The following GRIN2B variants were observed in gnomAD, a reference collection of about 807,000 sequenced individuals.
GRIN2B encodes glutamate receptor ionotropic, NMDA 2B.
In GRIN2B, 5 loss-of-function variants were observed where a neutral mutation model predicts 114.5. The ratio of observed to expected loss-of-function variants is 0.04; its 90% CI spans 0.02 to 0.09. GRIN2B has a LOEUF of 0.09. Ranked by LOEUF, GRIN2B falls within the 10% of genes least tolerant of loss-of-function variation. The pLI, the probability that GRIN2B is intolerant of heterozygous loss-of-function variation, is 1.00. For missense variants in GRIN2B, 1,108 were observed against 1,943.5 expected (o/e 0.57, Z 8.08); for synonymous variants, 787 against 745.1 (o/e 1.06, Z -0.92).
intron 3 of GRIN2B, among the ~76,000 whole-genome samples, chr12:13,767,302 T>C (rs564070845): frequency 1.3e-5 from 2 of 151,942 alleles, no homozygotes; most frequent in African/African-American, 4.8e-5. Context: ...CAAATTTTCC[T>C]TCTCCAGTTC....
At position 13,547,981 on chromosome 12, in the gene GRIN2B, A is replaced by ATATATATATATATATTTTTTTTTTTTTTT; in HGVS notation, c.*14801_*14802insAAAAAAAAAAAAAAATATATATATATATA. 11 of 68,558 alleles carry ATATATATATATATATTTTTTTTTTTTTTT rather than the reference A, an allele frequency of 1.6e-4. No individual in the cohort carries two copies. Among genetic ancestry groups the ATATATATATATATATTTTTTTTTTTTTTT allele is most frequent in the East Asian group, 5.7e-4 (1 of 1,740 alleles). The allele number at this position is 68,558 out of a possible 1,614,324, so 4.2% of individuals were successfully genotyped here. ...TGTGTATATATATATATATATATAT[A>ATATATATATATATATTTTTTTTTTTTTTT]TTTTTTTTTTTTTTCTGAAAGCTAC... On this transcript the variant is annotated 3_prime_UTR_variant, in exon 14 of 14. Transcript: ENST00000609686.
chr12:13,660,503 C>T (rs762470658), intron 5 of GRIN2B, among the ~76,000 whole-genome samples: 1 of 152,138 alleles, frequency 6.6e-6, no homozygotes, highest in Non-Finnish European at 1.5e-5. Flanking sequence ...TGGATACAGG[C>T]AGCAAAAGCA....
chr12:13,742,486 A>G (rs1188458121), intron 4 of GRIN2B, among the ~76,000 whole-genome samples: 3 of 152,168 alleles, frequency 2.0e-5, no homozygotes, highest in Non-Finnish European at 4.4e-5. Context: ...GCTGGAGTAC[A>G]GTGGCATGAT....
intron 5 of GRIN2B, among the ~76,000 whole-genome samples, chr12:13,656,273 T>C (rs898262658): frequency 6.6e-6 from 1 of 152,182 alleles, no homozygotes; most frequent in African/African-American, 2.4e-5. Flanking sequence ...AGGAAAAGAT[T>C]ACAGAGAAAG....
At chr12:13,844,996 G>A (rs1304803697) in intron 3 of GRIN2B, among the ~76,000 whole-genome samples, 1 of 151,956 alleles carries the variant, frequency 6.6e-6, no homozygotes, top group African/African-American at 2.4e-5. Context: ...TGCTGTACAC[G>A]AATTTCTCTG....
chr12:13,882,272 G>A (rs971026473), intron 2 of GRIN2B, among the ~76,000 whole-genome samples: 1 of 152,172 alleles, frequency 6.6e-6, no homozygotes, highest in Non-Finnish European at 1.5e-5. Flanking sequence ...CTGTCCTTTG[G>A]ACAAAATGGA....
At chr12:13,779,328 G>A (rs1335369497) in intron 3 of GRIN2B, among the ~76,000 whole-genome samples, 1 of 152,190 alleles carries the variant, frequency 6.6e-6, no homozygotes, top group Non-Finnish European at 1.5e-5. Flanking sequence ...ACAGGTGTGA[G>A]CCACTGTGCC....
At chr12:13,773,053 C>T (rs960837832) in intron 3 of GRIN2B, among the ~76,000 whole-genome samples, 3 of 152,162 alleles carry the variant, frequency 2.0e-5, no homozygotes, top group Non-Finnish European at 2.9e-5. Context: ...TCTTGAGCAG[C>T]CCCAGACCAA....
At chr12:13,852,770 C>T (rs750152779) in intron 3 of GRIN2B, among the ~76,000 whole-genome samples, 5 of 150,908 alleles carry the variant, frequency 3.3e-5, no homozygotes, top group South Asian at 2.1e-4. Context: ...GGAACCAGAA[C>T]TCAAAATGGC....
rs1949432236 is a variant in GRIN2B, at chr12:13,615,845, C to T, written c.1329-181G>A. The stretch of plus-strand genomic sequence containing the variant: ...GCAGGCAACAGACCTGCAATATTCT[C>T]ATTATCTCGTCATATTGAGATATGT... On this transcript the variant is annotated intron_variant, in intron 6 of 13. Transcript: ENST00000609686. This position sits in a 1 kb window ranked among gnomAD's most constrained non-coding sequence, Gnocchi z 5.8. Among the ~76,000 whole-genome samples the T allele has an allele frequency of 6.6e-6, 1 of 152,186 alleles. No homozygotes were observed. Among genetic ancestry groups the T allele is most frequent in the South Asian group, 2.1e-4 (1 of 4,828 alleles).
chr12:13,828,751 G>A (rs1198878547), intron 3 of GRIN2B, among the ~76,000 whole-genome samples: 6 of 152,012 alleles, frequency 3.9e-5, no homozygotes, highest in Non-Finnish European at 7.4e-5. Flanking sequence ...ATGGTGGGAG[G>A]GTAATTTCAG....
At chr12:13,611,612 C>T (rs978845377) in intron 9 of GRIN2B, 113 bp downstream of exon 9, 22 of 1,050,968 alleles carry the variant, frequency 2.1e-5, no homozygotes, top group East Asian at 1.2e-4. Flanking sequence ...CCTGAGGGTT[C>T]CTTTTCAGAA....
At chr12:13,795,490 T>TTGATAATTA (rs1404933527) in intron 3 of GRIN2B, among the ~76,000 whole-genome samples, 1 of 152,218 alleles carries the variant, frequency 6.6e-6, no homozygotes, top group Non-Finnish European at 1.5e-5. Flanking sequence ...GATGGGCATA[T>TTGATAATTA]TGATAATGCA....
intron 3 of GRIN2B, among the ~76,000 whole-genome samples, chr12:13,842,034 C>T (rs2136715874): frequency 6.6e-6 from 1 of 152,266 alleles, no homozygotes; most frequent in East Asian, 1.9e-4. Flanking sequence ...GCAATAGAGG[C>T]TGTGTGCCTG....
At chr12:13,807,014 A>G (rs1030213531) in intron 3 of GRIN2B, among the ~76,000 whole-genome samples, 1 of 152,054 alleles carries the variant, frequency 6.6e-6, no homozygotes, top group African/African-American at 2.4e-5. Context: ...AAAAAAAATT[A>G]CTCACAGTGC....
chr12:13,547,981 A>ATATATATTTTTTTT lies in GRIN2B; in HGVS notation c.*14801_*14802insAAAAAAAATATATA. ...TGTGTATATATATATATATATATATATTTTTTTTTTTTTTCTGAAAGCTAC... is the reference window on the plus strand; with the variant it reads ...TGTGTATATATATATATATATATATATATATATTTTTTTTTTTTTTTTTTTTTTCTGAAAGCTAC... On this transcript the variant is annotated 3_prime_UTR_variant, in exon 14 of 14. Transcript: ENST00000609686. The ATATATATTTTTTTT allele has an allele frequency of 1.5e-5, 1 of 68,592 alleles. No individual in the cohort carries two copies. Among genetic ancestry groups the ATATATATTTTTTTT allele is most frequent in the African/African-American group, 4.6e-5 (1 of 21,782 alleles). The allele number at this position is 68,592 out of a possible 1,614,324, so 4.2% of individuals were successfully genotyped here.
intron 2 of GRIN2B, among the ~76,000 whole-genome samples, chr12:13,978,515 C>T (rs1384997510): frequency 2.0e-5 from 3 of 152,086 alleles, no homozygotes; most frequent in East Asian, 1.9e-4. Context: ...TCATGTTGAG[C>T]GACAAAGATC....
chr12:13,965,557 C>CTACA (rs1555162707), intron 2 of GRIN2B, among the ~76,000 whole-genome samples: 1 of 150,176 alleles, frequency 6.7e-6, no homozygotes, highest in Admixed American at 6.6e-5. Context: ...AGATTACACA[C>CTACA]CACACACACA....
chr12:13,792,733 C>T (rs920416432), intron 3 of GRIN2B, among the ~76,000 whole-genome samples: 6 of 151,150 alleles, frequency 4.0e-5, no homozygotes, highest in Non-Finnish European at 5.9e-5. Flanking sequence ...ACAGAAGCAG[C>T]AGCCATGCCT....
Sources: gnomAD v4.1 joint callset for allele counts (sites outside exome capture counted in the v4.1 genomes callset) on GRCh38, gnomAD v4.1.1 for gene constraint, Gnocchi (gnomAD v3.1) non-coding constraint, MANE v1.5 for transcripts, NCBI Gene and HGNC (gene_info 2026-07-23, HGNC 2026-07-21) for gene names.